The following UBA3 variants were observed in gnomAD, a reference collection of about 807,000 sequenced individuals.
The protein encoded by UBA3 is ubiquitin like modifier activating enzyme 3, also known as NEDD8-activating enzyme E1 catalytic subunit.
In UBA3, 26 loss-of-function variants were observed where a neutral mutation model predicts 73.5. The observed-to-expected ratio is 0.35, with a 90% CI of 0.26 to 0.49. The LOEUF is 0.49. UBA3 is among the 20% of genes least tolerant of loss of function. The pLI is 0.98. For synonymous variants in UBA3, 217 were observed against 191.2 expected, an observed-to-expected ratio of 1.13 and a Z score of -1.11; for missense variants, 495 against 555.6, an observed-to-expected ratio of 0.89 and a Z score of 1.10.
At position 69,079,573 on chromosome 3, in the gene UBA3, GGA is replaced by G. The variant is rs527250339; in HGVS notation, c.62+537_62+538del. On this transcript the variant is annotated intron_variant, in intron 2 of 17. Coordinates refer to ENST00000361055, the MANE Select transcript of UBA3 (RefSeq NM_003968.4). ...TAAGAAATAGGGTGTGTAGTAAAAG[GGA>G]TAAATAGGCTGTTTGAAGTCAACAA... Among the ~76,000 whole-genome samples, 53 of 152,304 alleles carry G rather than the reference GGA, an allele frequency of 3.5e-4. No individual in the cohort carries two copies. The Middle Eastern group carries it at 0.01, about 29-fold the overall frequency.
intron 11 of UBA3, among the ~76,000 whole-genome samples, chr3:69,059,571 T>A (rs1481453016): frequency 6.6e-6 from 1 of 152,066 alleles, no homozygotes; most frequent in African/African-American, 2.4e-5. Flanking sequence ...ATCCCCGGCG[T>A]AGGAACTCGG....
chr3:69,055,710 T>C, intron 17 of UBA3, 141 bp downstream of exon 17: 2 of 908,988 alleles, frequency 2.2e-6, no homozygotes, highest in South Asian at 1.7e-5. Context: ...ATTAATTCTA[T>C]TAATATGTCT....
At chr3:69,073,835 G>GTTTTTAGTAGACACAGTAGTAACACA (rs201854604) in intron 4 of UBA3, among the ~76,000 whole-genome samples, 1 of 151,980 alleles carries the variant, frequency 6.6e-6, no homozygotes, top group African/African-American at 2.4e-5. Flanking sequence ...AGTAGAGACG[G>GTTTTTAGTAGACACAGTAGTAACACA]GGTTTCACTG....
chr3:69,063,560 T>G (rs2092041599), intron 7 of UBA3, 57 bp from the exon 8 acceptor site: 7 of 1,373,524 alleles, frequency 5.1e-6, no homozygotes, highest in Non-Finnish European at 6.9e-6. Context: ...CATGATGATC[T>G]TTCAATGTAG....
chr3:69,061,237 C>T (rs2107484763), intron 11 of UBA3, among the ~76,000 whole-genome samples: 1 of 152,346 alleles, frequency 6.6e-6, no homozygotes. Flanking sequence ...TCTTGTTGCC[C>T]AGGCTGGAAA....
chr3:69,056,711 T>C lies in UBA3; in HGVS notation c.1002-18A>G. 1 of 1,611,690 alleles carries C rather than the reference T, an allele frequency of 6.2e-7. No homozygotes were observed. Among genetic ancestry groups the C allele is most frequent in the Non-Finnish European group, 8.5e-7 (1 of 1,178,808 alleles). On this transcript the variant is annotated intron_variant, in intron 13 of 17. Coordinates refer to ENST00000361055, the MANE Select transcript of UBA3 (RefSeq NM_003968.4). ...TGTATGCACTGTAATGAAAAAATGTTCATCTTTATATAATTAAACCAAGTC... is the reference window on the plus strand; with the variant it reads ...TGTATGCACTGTAATGAAAAAATGTCCATCTTTATATAATTAAACCAAGTC...
Position 69,063,137 on chromosome 3 carries a change from T to G in UBA3, c.538A>C (p.Ile180Leu). 1.2e-6 allele frequency: 2 copies of G among 1,613,564 alleles called. No individual in the cohort carries two copies. Among genetic ancestry groups the G allele is most frequent in the South Asian group, 1.1e-5 (1 of 90,944 alleles). ...CCATCTTCATAATTTAGAAGAGATATCTAGGAAAACAATTTGAAGGGCTTT... is the reference window on the plus strand; with the variant it reads ...CCATCTTCATAATTTAGAAGAGATAGCTAGGAAAACAATTTGAAGGGCTTT... ...IARRWINGML[I>L]SLLNYEDGVL... Residue 180 changes from isoleucine to leucine, a missense_variant and splice_region_variant, in exon 9 of 18, where the codon ATA becomes CTA. Coordinates refer to ENST00000361055, the MANE Select transcript of UBA3 (RefSeq NM_003968.4).
chr3:69,061,183 C>T (rs1034643399), intron 11 of UBA3, among the ~76,000 whole-genome samples: 3 of 152,202 alleles, frequency 2.0e-5, no homozygotes, highest in Non-Finnish European at 2.9e-5. Context: ...GGACAACAGT[C>T]AGACCAAACT....
intron 3 of UBA3, chr3:69,076,395 G>T (rs1363117025): frequency 6.6e-6 from 1 of 152,282 alleles, no homozygotes; most frequent in African/African-American, 2.4e-5. Context: ...AATTAGCCAG[G>T]TGTGGTGGTG....
chr3:69,054,982 G>C lies in UBA3; in HGVS notation c.*455C>G, dbSNP rs11709406. 664 of 152,472 alleles carry C rather than the reference G, an allele frequency of 4.4e-3. 6 individuals carry two copies. The highest frequency in any genetic ancestry group is 0.011 in the Admixed American group (163 of 15,306). 9.4% of individuals were successfully genotyped at this position (152,472 alleles called of 1,614,324 possible). A position where few individuals can be genotyped will look rare whatever the true frequency, so the allele number is the denominator to read the frequency against. On this transcript the variant is annotated 3_prime_UTR_variant, in exon 18 of 18. Transcript: ENST00000361055. ...TTCATTTGGATGGCCACAATTAAAT[G>C]AGTGTTATATCAAGAAATAGCCTAT... is the stretch of plus-strand genomic sequence containing the variant.
At position 69,067,304 on chromosome 3, in the gene UBA3, A is replaced by T. The variant is rs540798242; in HGVS notation, c.428+624T>A. The stretch of plus-strand genomic sequence containing the variant: ...TTACTTATCTTGTAGTTTACATCTA[A>T]GTATTTATTTTTCTTTCTAAGCAGT... On this transcript the variant is annotated intron_variant, in intron 6 of 17. Transcript: ENST00000361055. Among the ~76,000 whole-genome samples the T allele has an allele frequency of 3.9e-5, 6 of 152,156 alleles. 1 individual carries two copies. In the East Asian group the frequency reaches 9.6e-4, roughly 24 times the overall value.
chr3:69,057,907 T>C (rs1046541858), intron 11 of UBA3, among the ~76,000 whole-genome samples: 6 of 150,170 alleles, frequency 4.0e-5, no homozygotes, highest in Admixed American at 1.3e-4. Flanking sequence ...AGTTCTCTAC[T>C]TCAACCCCAC....
Position 69,057,237 on chromosome 3 carries a change from A to G in UBA3, c.964+19T>C, listed in dbSNP as rs766526971. On this transcript the variant is annotated intron_variant, in intron 12 of 17. Transcript: ENST00000361055. Reference sequence around the variant, plus strand: ...TAAAGAAAGCAAAATAAACTAAGTGATGGCCTTTTCTTCCTCACCTGCAAT... The same window carrying G: ...TAAAGAAAGCAAAATAAACTAAGTGGTGGCCTTTTCTTCCTCACCTGCAAT... 6.2e-7 allele frequency: 1 copy of G among 1,604,532 alleles called. No homozygotes were observed. Among genetic ancestry groups the G allele is most frequent in the Non-Finnish European group, 8.5e-7 (1 of 1,177,718 alleles).
In UBA3 at chr3:69,063,451, T is replaced by C. The variant is rs1315021375; in HGVS notation, c.525A>G (p.Ile175Met). Reference protein sequence around the residue: ...GLDSIIARRWINGMLISLLNY... With the variant: ...GLDSIIARRWMNGMLISLLNY... ...CTAAAGTCTTTACCAGCATGCCATTTATCCATCTTCTGGCGATGATAGAGT... is the reference window on the plus strand; with the variant it reads ...CTAAAGTCTTTACCAGCATGCCATTCATCCATCTTCTGGCGATGATAGAGT... Residue 175 changes from isoleucine to methionine, a missense_variant, in exon 8 of 18, where the codon ATA (isoleucine) becomes ATG (methionine). Ile to Met is a conservative substitution (Grantham distance 10, BLOSUM62 1). Coordinates refer to ENST00000361055, the MANE Select transcript of UBA3 (RefSeq NM_003968.4). 1 of 1,599,810 alleles carries C rather than the reference T, an allele frequency of 6.3e-7. No homozygotes were observed. Among genetic ancestry groups the C allele is most frequent in the East Asian group, 2.2e-5 (1 of 44,498 alleles).
At chr3:69,074,860 C>T (rs531645611) in intron 4 of UBA3, among the ~76,000 whole-genome samples, 7 of 152,248 alleles carry the variant, frequency 4.6e-5, no homozygotes, top group South Asian at 4.1e-4. Context: ...TGTCCACAAT[C>T]GTCTTATTAG....
chr3:69,064,744 T>G (rs951063487), intron 6 of UBA3, among the ~76,000 whole-genome samples: 14 of 152,192 alleles, frequency 9.2e-5, no homozygotes, highest in Admixed American at 2.6e-4. Context: ...CAAAACTGAT[T>G]GTGGGTGAGT....
chr3:69,080,231 G>T, intron 1 of UBA3, 78 bp from the exon 2 acceptor site: 1 of 1,489,360 alleles, frequency 6.7e-7, no homozygotes, highest in African/African-American at 1.4e-5. Context: ...GAGGGGACGG[G>T]GCGGGGGGTG....
chr3:69,076,856 G>A (rs925185119), intron 3 of UBA3, among the ~76,000 whole-genome samples: 2 of 151,244 alleles, frequency 1.3e-5, no homozygotes, highest in Non-Finnish European at 2.9e-5. Flanking sequence ...ACCTCCCAAA[G>A]TGCTGGGATT....
In UBA3 at chr3:69,080,365, C is replaced by T; in HGVS notation, c.-12G>A. Reference sequence around the variant, plus strand: ...TCGCCATCCGCCATATTGTTCTCCGCCTCTTCCCAGGTGCCCACGCGCGGC... The same window carrying T: ...TCGCCATCCGCCATATTGTTCTCCGTCTCTTCCCAGGTGCCCACGCGCGGC... On this transcript the variant is annotated 5_prime_UTR_variant, in exon 1 of 18. Transcript: ENST00000361055. 1 of 1,598,972 alleles carries T rather than the reference C, an allele frequency of 6.3e-7. No individual in the cohort carries two copies. Among genetic ancestry groups the T allele is most frequent in the South Asian group, 1.1e-5 (1 of 88,630 alleles).
Sources: allele counts gnomAD v4.1 joint callset (sites outside exome capture counted in the v4.1 genomes callset), GRCh38; gene constraint gnomAD v4.1.1; transcripts MANE v1.5; gene names NCBI Gene and HGNC (gene_info 2026-07-23, HGNC 2026-07-21).